Variants in THSD4 observed in about 807,000 individuals in gnomAD.
THSD4 encodes the protein thrombospondin type-1 domain-containing protein 4.
A neutral mutation model predicts 119.0 loss-of-function variants in THSD4; 69 were observed. The observed-to-expected ratio is 0.58, with a 90% CI of 0.48 to 0.71. The LOEUF (loss-of-function observed/expected upper bound fraction) is 0.71. Ranked by LOEUF, THSD4 falls within the 30% of genes least tolerant of loss-of-function variation. The pLI, the probability that THSD4 is intolerant of heterozygous loss-of-function variation, is 0.00. For missense variants in THSD4, 1,393 were observed against 1,391.1 expected, an observed-to-expected ratio of 1.00 and a Z score of -0.02; for synonymous variants, 524 against 540.4, an observed-to-expected ratio of 0.97 and a Z score of 0.42.
At chr15:71,173,567 C>CACACATAT (rs1022713970) in intron 3 of THSD4, among the ~76,000 whole-genome samples, 3 of 145,938 alleles carry the variant, frequency 2.1e-5, no homozygotes, top group Admixed American at 6.9e-5. Flanking sequence ...CACACACACA[C>CACACATAT]ATATATATAT....
chr15:71,727,096 CGCCT>C (rs2141124500), intron 8 of THSD4, among the ~76,000 whole-genome samples: 1 of 152,184 alleles, frequency 6.6e-6, no homozygotes, highest in Non-Finnish European at 1.5e-5. Flanking sequence ...CTTTCGTACC[CGCCT>C]CCTGAGTACA....
At chr15:71,554,270 ATT>A (rs758380412) in intron 7 of THSD4, among the ~76,000 whole-genome samples, 9 of 142,438 alleles carry the variant, frequency 6.3e-5, no homozygotes, top group Non-Finnish European at 1.1e-4. Context: ...TTTTTTTTGT[ATT>A]TTTTTAGTAG....
At chr15:71,745,049 A>G in intron 11 of THSD4, 57 bp from the exon 12 acceptor site, 4 of 1,567,520 alleles carry the variant, frequency 2.6e-6, no homozygotes, top group Non-Finnish European at 2.6e-6. Context: ...ATCTCCACCC[A>G]TAGCCCAGCT....
At chr15:71,561,908 A>T (rs898289303) in intron 7 of THSD4, among the ~76,000 whole-genome samples, 1 of 36,884 alleles carries the variant, frequency 2.7e-5, no homozygotes, top group Non-Finnish European at 5.5e-5. Context: ...ACACACACAC[A>T]CACACACACA....
At chr15:71,207,847 A>T (rs557779292) in intron 3 of THSD4, among the ~76,000 whole-genome samples, 57 of 152,202 alleles carry the variant, frequency 3.7e-4, no homozygotes, top group Non-Finnish European at 5.7e-4. Flanking sequence ...ATTGTCTTTC[A>T]TGGAACTGGT....
intron 5 of THSD4, among the ~76,000 whole-genome samples, chr15:71,245,113 A>T (rs544484060): frequency 6.6e-6 from 1 of 152,288 alleles, no homozygotes; most frequent in African/African-American, 2.4e-5. Flanking sequence ...AATTCTCGTG[A>T]GGTCATGGTG....
chr15:71,246,422 A>T (rs1055511264), intron 5 of THSD4, among the ~76,000 whole-genome samples: 1 of 152,160 alleles, frequency 6.6e-6, no homozygotes, highest in Admixed American at 6.5e-5. Context: ...GTTAGCTGCG[A>T]TTGAGGCTCC....
chr15:71,765,888 G>T (rs2053709451), intron 16 of THSD4, among the ~76,000 whole-genome samples: 3 of 151,780 alleles, frequency 2.0e-5, no homozygotes, highest in Middle Eastern at 3.4e-3. Context: ...TTTTCTGTTT[G>T]AACTGGCTAC....
At chr15:71,106,257 G>T (rs186361463) in intron 1 of THSD4, among the ~76,000 whole-genome samples, 1 of 152,000 alleles carries the variant, frequency 6.6e-6, no homozygotes, top group African/African-American at 2.4e-5. Context: ...CCACTGTGAC[G>T]CAGGCCTCAG....
intron 7 of THSD4, among the ~76,000 whole-genome samples, chr15:71,649,443 T>G (rs980725279): frequency 6.6e-6 from 1 of 151,962 alleles, no homozygotes; most frequent in Non-Finnish European, 1.5e-5. Context: ...CCTGGCTAAT[T>G]TTTGTATTTT....
At chr15:71,136,661 T>C (rs1173453378) in intron 1 of THSD4, among the ~76,000 whole-genome samples, 1 of 149,724 alleles carries the variant, frequency 6.7e-6, no homozygotes, top group African/African-American at 2.5e-5. Context: ...GGACAGCGTG[T>C]GTAGGAGGGA....
intron 7 of THSD4, among the ~76,000 whole-genome samples, chr15:71,515,549 G>A (rs1658788410): frequency 6.6e-6 from 1 of 152,100 alleles, no homozygotes; most frequent in South Asian, 2.1e-4. Context: ...AGGGGATTGA[G>A]GGGGGCTCAA....
intron 7 of THSD4, among the ~76,000 whole-genome samples, chr15:71,583,029 A>G (rs1474005188): frequency 6.6e-6 from 1 of 152,192 alleles, no homozygotes; most frequent in Non-Finnish European, 1.5e-5. Context: ...AAGGTTTGGT[A>G]GAATTCACTG....
rs1163664441 is a variant in THSD4, at chr15:71,593,419, G to A, written c.1153-67111G>A. 1.7e-3 allele frequency among the ~76,000 whole-genome samples: 4 copies of A among 2,290 alleles called. 2 individuals carry two copies. The highest frequency in any genetic ancestry group is 2.4e-3 in the African/African-American group (4 of 1,656). The allele number at this position is 2,290 out of a possible 152,430, so 1.5% of individuals were successfully genotyped here. On this transcript the variant is annotated intron_variant, in intron 7 of 17. Transcript: ENST00000261862. ...AGCCTGGGCGACAGAGAGAGACTCC[G>A]TCTCAAAAAAAAAAAAAAAAAAAAA...
At chr15:71,439,490 A>G (rs905475529) in intron 7 of THSD4, among the ~76,000 whole-genome samples, 5 of 152,142 alleles carry the variant, frequency 3.3e-5, no homozygotes, top group African/African-American at 9.7e-5. Context: ...TAGAAATACC[A>G]TTTCACCCAG....
intron 1 of THSD4, among the ~76,000 whole-genome samples, chr15:71,123,614 G>T (rs541000768): frequency 1.6e-3 from 241 of 152,322 alleles, no homozygotes; most frequent in African/African-American, 5.6e-3. Context: ...GCGGGCAGGT[G>T]AGAGGAAAAT....
At chr15:71,190,641 G>A (rs1024182109) in intron 3 of THSD4, among the ~76,000 whole-genome samples, 3 of 152,146 alleles carry the variant, frequency 2.0e-5, no homozygotes, top group Non-Finnish European at 4.4e-5. Flanking sequence ...AGGAGAAGCA[G>A]CCAAAGGCCT....
chr15:71,144,081 G>A (rs1234508073), intron 2 of THSD4, among the ~76,000 whole-genome samples: 7 of 152,182 alleles, frequency 4.6e-5, no homozygotes, highest in East Asian at 3.9e-4. Context: ...CAGCACGAGA[G>A]TCCTGCTGCA....
At chr15:71,340,387 C>T (rs569527290) in intron 6 of THSD4, among the ~76,000 whole-genome samples, 9 of 152,268 alleles carry the variant, frequency 5.9e-5, no homozygotes, top group East Asian at 1.9e-4. Flanking sequence ...AGCTTAGACC[C>T]GGTGCTTCCA....
Sources: allele counts gnomAD v4.1 joint callset (sites outside exome capture counted in the v4.1 genomes callset), GRCh38; gene constraint gnomAD v4.1.1; transcripts MANE v1.5; gene names NCBI Gene and HGNC (gene_info 2026-07-23, HGNC 2026-07-21).